Variants in MCC observed in about 807,000 individuals in gnomAD.
MCC encodes MCC regulator of Wnt signaling pathway, also known as colorectal mutant cancer protein.
In MCC, 90 loss-of-function variants were observed where a neutral mutation model predicts 116.2. The ratio of observed to expected loss-of-function variants is 0.77; its 90% CI spans 0.65 to 0.92. The LOEUF (loss-of-function observed/expected upper bound fraction) is 0.92. MCC is among the 40% of genes least tolerant of loss of function. The pLI, the probability that MCC is intolerant of heterozygous loss-of-function variation, is 0.00. For missense variants in MCC, 1,516 were observed against 1,312.2 expected (o/e 1.16, Z -2.40); for synonymous variants, 578 against 510.5 (o/e 1.13, Z -1.78).
intron 12 of MCC, among the ~76,000 whole-genome samples, chr5:113,070,115 G>C (rs956350716): frequency 6.6e-6 from 1 of 152,202 alleles, no homozygotes; most frequent in Non-Finnish European, 1.5e-5. Context: ...TGGATTATCT[G>C]CTTGCTTTGC....
At chr5:113,044,346 T>G (rs1561747319) in intron 16 of MCC, 4 of 302,098 alleles carry the variant, frequency 1.3e-5, no homozygotes, top group Non-Finnish European at 1.9e-5. Context: ...ATGAGGAAAC[T>G]TAAGAGCCAG....
At chr5:113,162,274 A>T (rs1760530903) in intron 3 of MCC, among the ~76,000 whole-genome samples, 1 of 152,224 alleles carries the variant, frequency 6.6e-6, no homozygotes, top group African/African-American at 2.4e-5. Context: ...TTCATGGTTA[A>T]GGACATAGGC....
chr5:113,309,787 T>C (rs989687458), intron 3 of MCC, among the ~76,000 whole-genome samples: 4 of 152,178 alleles, frequency 2.6e-5, no homozygotes, highest in African/African-American at 9.7e-5. Flanking sequence ...TTACACATTC[T>C]TAACAATACA....
chr5:113,215,477 G>A (rs1763280134), intron 3 of MCC, among the ~76,000 whole-genome samples: 1 of 152,162 alleles, frequency 6.6e-6, no homozygotes, highest in African/African-American at 2.4e-5. Context: ...GGTTAAGGGT[G>A]GGGGTTGGTC....
rs1430003935 is a variant in MCC, at chr5:113,026,704, A to G, written c.*598T>C. The G allele has an allele frequency of 2.0e-5, 3 of 152,366 alleles. No homozygotes were observed. The highest frequency in any genetic ancestry group is 7.2e-5 in the African/African-American group (3 of 41,382). The allele number at this position is 152,366 out of a possible 1,614,324, so 9.4% of individuals were successfully genotyped here. A position where few individuals can be genotyped will look rare whatever the true frequency, so the allele number is the denominator to read the frequency against. On this transcript the variant is annotated 3_prime_UTR_variant, in exon 19 of 19. Coordinates refer to ENST00000408903, the MANE Select transcript of MCC (RefSeq NM_001085377.2). ...TTTAGTGTATCTGGGACTGTAAGTA[A>G]CACCTGTCTACGCTCTTCCCATGAC...
chr5:113,034,526 G>A (rs1287927690), intron 17 of MCC, among the ~76,000 whole-genome samples: 1 of 152,252 alleles, frequency 6.6e-6, no homozygotes, highest in African/African-American at 2.4e-5. Flanking sequence ...GAGGCTGTGA[G>A]TGGCTTCACA....
At chr5:113,303,798 G>A (rs1238748952) in intron 3 of MCC, among the ~76,000 whole-genome samples, 2 of 152,134 alleles carry the variant, frequency 1.3e-5, no homozygotes, top group South Asian at 2.1e-4. Context: ...GATTACAGTC[G>A]CCAGCCACTA....
intron 3 of MCC, among the ~76,000 whole-genome samples, chr5:113,339,579 G>C (rs920933115): frequency 6.6e-6 from 1 of 152,092 alleles, no homozygotes. Flanking sequence ...CCTTGTTTTT[G>C]ATAACCTTGA....
intron 15 of MCC, among the ~76,000 whole-genome samples, chr5:113,052,282 C>A (rs1298962264): frequency 6.6e-6 from 1 of 152,220 alleles, no homozygotes; most frequent in Non-Finnish European, 1.5e-5. Context: ...GCTCGTGCCA[C>A]AGGCTGCAAG....
At chr5:113,373,048 G>A (rs1435723000) in intron 2 of MCC, among the ~76,000 whole-genome samples, 1 of 151,920 alleles carries the variant, frequency 6.6e-6, no homozygotes, top group Non-Finnish European at 1.5e-5. Context: ...GCATGGTGGC[G>A]AGCACCTGTA....
At chr5:113,327,561 A>ATATATATATATATATATATAT (rs1554076392) in intron 3 of MCC, among the ~76,000 whole-genome samples, 13 of 80,548 alleles carry the variant, frequency 1.6e-4, no homozygotes, top group African/African-American at 2.0e-4. Flanking sequence ...AAAAAAAAAA[A>ATATATATATATATATATATAT]ATATATATAT....
intron 1 of MCC, among the ~76,000 whole-genome samples, chr5:113,439,823 G>C (rs1260524115): frequency 6.6e-6 from 1 of 152,174 alleles, no homozygotes; most frequent in Admixed American, 6.5e-5. Flanking sequence ...GCACACAGTG[G>C]CTACTTAGCA....
intron 5 of MCC, among the ~76,000 whole-genome samples, chr5:113,128,412 GT>G (rs1266052314): frequency 6.6e-6 from 1 of 152,176 alleles, no homozygotes; most frequent in Non-Finnish European, 1.5e-5. Context: ...AAAGAACAAA[GT>G]TTTTTGTTTT....
Position 113,269,000 on chromosome 5 carries a change from G to GT in MCC, c.627+71518dup, listed in dbSNP as rs539609790. On this transcript the variant is annotated intron_variant, in intron 3 of 18. Transcript: ENST00000408903. ...TGAGAATGCAGTAGAGAAGCAAAAG[G>GT]TATCAAAGGAACAAAAGAAGAATGG... Among the ~76,000 whole-genome samples, 599 of 152,234 alleles carry GT rather than the reference G, an allele frequency of 3.9e-3. 6 individuals carry two copies. Among genetic ancestry groups the GT allele is most frequent in the African/African-American group, 0.014 (579 of 41,530 alleles).
rs528125441 is a variant in MCC at position 113,395,607 on chromosome 5, C to T, written c.171-10395G>A. On this transcript the variant is annotated intron_variant, in intron 1 of 18. Transcript: ENST00000408903. ...GAATTCAGTAAGGTGACCATACCCT[C>T]CCTCTTTCCCCCCAGGCTGCTGTTT... 2.0e-5 allele frequency among the ~76,000 whole-genome samples: 3 copies of T among 152,300 alleles called. No homozygotes were observed. In the East Asian group the frequency reaches 5.8e-4, roughly 29 times the overall value.
chr5:113,044,573 AT>A, intron 16 of MCC: 4 of 699,278 alleles, frequency 5.7e-6, no homozygotes, highest in Non-Finnish European at 7.0e-6. Flanking sequence ...GTAAACAGAT[AT>A]TTTTTTGTTT....
At chr5:113,430,772 T>A (rs1477807364) in intron 1 of MCC, among the ~76,000 whole-genome samples, 1 of 152,110 alleles carries the variant, frequency 6.6e-6, no homozygotes, top group African/African-American at 2.4e-5. Context: ...CAGAGTGTGC[T>A]AGTTGGAGGG....
chr5:113,464,380 C>T (rs982835736), intron 1 of MCC, among the ~76,000 whole-genome samples: 1 of 152,218 alleles, frequency 6.6e-6, no homozygotes, highest in Non-Finnish European at 1.5e-5. Context: ...CAGCTTCCAC[C>T]TCATGGCTTT....
At chr5:113,253,814 A>G (rs1001480581) in intron 3 of MCC, among the ~76,000 whole-genome samples, 3 of 152,204 alleles carry the variant, frequency 2.0e-5, no homozygotes, top group Non-Finnish European at 4.4e-5. Flanking sequence ...AACACAAAAT[A>G]CATATATAAA....
Sources: gnomAD v4.1 joint callset for allele counts (sites outside exome capture counted in the v4.1 genomes callset) on GRCh38, gnomAD v4.1.1 for gene constraint, MANE v1.5 for transcripts, NCBI Gene and HGNC (gene_info 2026-07-23, HGNC 2026-07-21) for gene names.